The following ERG variants were observed in gnomAD, a reference collection of about 807,000 sequenced individuals.
ERG encodes ETS transcription factor ERG, also known as transcriptional regulator ERG.
ERG carries 9 observed loss-of-function variants against 55.3 expected under a neutral mutation model. The ratio of observed to expected loss-of-function variants is 0.16; its 90% CI spans 0.10 to 0.28. The LOEUF is 0.28. Among genes scored for constraint, ERG ranks in the 10% least tolerant of loss-of-function variants. The pLI, the probability that ERG is intolerant of heterozygous loss-of-function variation, is 1.00. For synonymous variants in ERG, 223 were observed against 237.3 expected (o/e 0.94, Z 0.55); for missense variants, 434 against 631.6 (o/e 0.69, Z 3.35).
chr21:38,478,285 G>A (rs917212287), intron 1 of ERG, among the ~76,000 whole-genome samples: 1 of 152,184 alleles, frequency 6.6e-6, no homozygotes, highest in African/African-American at 2.4e-5. Flanking sequence ...TCCTTTTCCT[G>A]CCTTTGTAAG....
intron 2 of ERG, among the ~76,000 whole-genome samples, chr21:38,443,643 A>G (rs1290360961): frequency 1.3e-5 from 2 of 152,236 alleles, no homozygotes; most frequent in African/African-American, 4.8e-5. Flanking sequence ...TATCAAATGC[A>G]TAGGATTTAT....
intron 2 of ERG, among the ~76,000 whole-genome samples, chr21:38,559,343 T>TA (rs968502886): frequency 5.5e-5 from 8 of 146,692 alleles, no homozygotes; most frequent in African/African-American, 1.3e-4. Flanking sequence ...ATGGACTTGG[T>TA]AAAAAAAATA....
At position 38,637,743 on chromosome 21, in the gene ERG, T is replaced by C. The variant is rs1288275288; in HGVS notation, c.-150+23915A>G. ...TGTGGTAGCCTGTTCACTTGCTTTG[T>C]CCTTAGTCTTGTGATCCATGTCTTT... is the stretch of plus-strand genomic sequence containing the variant. On this transcript the variant is annotated intron_variant, in intron 1 of 10. Transcript: ENST00000398910. 2.0e-5 allele frequency among the ~76,000 whole-genome samples: 3 copies of C among 152,220 alleles called. No homozygotes were observed. In the East Asian group the frequency reaches 5.8e-4, roughly 29 times the overall value.
intron 3 of ERG, 38 bp downstream of exon 3, chr21:38,423,372 G>A (rs752700085): frequency 1.0e-5 from 16 of 1,585,814 alleles, no homozygotes; most frequent in Non-Finnish European, 1.4e-5. Flanking sequence ...TGGGGAAGTT[G>A]CGATCTGCCG....
At chr21:38,519,246 T>A (rs895171539) in intron 2 of ERG, among the ~76,000 whole-genome samples, 2 of 152,108 alleles carry the variant, frequency 1.3e-5, no homozygotes, top group African/African-American at 4.8e-5. Flanking sequence ...AATAGGTAAG[T>A]GAACAAAATT....
rs1027911333 is a variant in ERG at position 38,460,457 on chromosome 21, G to A, written c.19-14836C>T. Among the ~76,000 whole-genome samples the A allele has an allele frequency of 2.0e-5, 3 of 152,220 alleles. No individual in the cohort carries two copies. Among genetic ancestry groups the A allele is most frequent in the African/African-American group, 4.8e-5 (2 of 41,462 alleles). ...AGTTTTATTATTTTCAAAACTAAAT[G>A]TGATGAGAATGCATATATTGCATAT... On this transcript the variant is annotated intron_variant, in intron 1 of 9. Transcript: ENST00000288319. This position sits in a 1 kb window ranked among gnomAD's most constrained non-coding sequence, Gnocchi z 5.0.
intron 1 of ERG, among the ~76,000 whole-genome samples, chr21:38,451,791 A>C (rs575529486): frequency 1.3e-5 from 2 of 152,354 alleles, no homozygotes; most frequent in South Asian, 4.1e-4. Flanking sequence ...AAATGTGTGC[A>C]CTTTTGCAAT....
At chr21:38,412,787 A>G (rs1275060778) in intron 3 of ERG, among the ~76,000 whole-genome samples, 1 of 151,996 alleles carries the variant, frequency 6.6e-6, no homozygotes, top group Admixed American at 6.6e-5. Context: ...TTTCTGTTAA[A>G]TCTTGGTTGG....
At chr21:38,445,667 G>A in intron 1 of ERG, 46 bp from the exon 2 acceptor site, 4 of 1,521,454 alleles carry the variant, frequency 2.6e-6, no homozygotes, top group Non-Finnish European at 3.6e-6. Flanking sequence ...CCAACAGACA[G>A]TCATGTTTCA....
At position 38,423,426 on chromosome 21, in the gene ERG, T is replaced by C. The variant is rs1282222165; in HGVS notation, c.372A>G (p.Arg124=). ...PPPNMTTNER[R]VIVPADPTLW... is the part of the protein sequence containing the mutation. ...GCACCTGACCTGCTGGCACGATAAC[T>C]CTGCGCTCGTTCGTGGTCATGTTTG... Residue 124 remains arginine (R), a synonymous_variant, in exon 3 of 10, where the codon AGA becomes AGG. Transcript: ENST00000288319. The C allele has an allele frequency of 9.9e-6, 16 of 1,613,798 alleles. No homozygotes were observed. The highest frequency in any genetic ancestry group is 1.6e-4 in the Middle Eastern group (1 of 6,062).
At chr21:38,532,440 A>C (rs1018036261) in intron 2 of ERG, among the ~76,000 whole-genome samples, 2 of 152,158 alleles carry the variant, frequency 1.3e-5, no homozygotes, top group African/African-American at 4.8e-5. Context: ...TTACTTCACA[A>C]AACTAAAAGA....
At chr21:38,505,271 T>A (rs868589992) in intron 2 of ERG, among the ~76,000 whole-genome samples, 1 of 152,188 alleles carries the variant, frequency 6.6e-6, no homozygotes, top group African/African-American at 2.4e-5. Flanking sequence ...ACTGGGAGTC[T>A]GTCTCAGCGC....
intron 3 of ERG, among the ~76,000 whole-genome samples, chr21:38,414,249 C>G (rs926044409): frequency 6.6e-6 from 1 of 152,216 alleles, no homozygotes; most frequent in Non-Finnish European, 1.5e-5. Flanking sequence ...CTGTGTGTGT[C>G]TATGTCCAAA....
At chr21:38,404,874 A>G (rs1252684550) in intron 3 of ERG, among the ~76,000 whole-genome samples, 1 of 152,194 alleles carries the variant, frequency 6.6e-6, no homozygotes, top group Admixed American at 6.5e-5. Flanking sequence ...GCTACTCAAG[A>G]ATGGAGCATG....
intron 1 of ERG, among the ~76,000 whole-genome samples, chr21:38,651,667 T>A (rs2060489608): frequency 6.6e-6 from 1 of 152,198 alleles, no homozygotes; most frequent in Non-Finnish European, 1.5e-5. Flanking sequence ...ACCCTTGAAG[T>A]TCATGTTCTA....
intron 1 of ERG, among the ~76,000 whole-genome samples, chr21:38,605,310 G>A (rs1424328864): frequency 6.6e-6 from 1 of 152,130 alleles, no homozygotes; most frequent in Non-Finnish European, 1.5e-5. Flanking sequence ...GAATGCCCAT[G>A]CTGTTCCTGG....
chr21:38,481,636 A>T (rs1425857277), intron 1 of ERG, among the ~76,000 whole-genome samples: 1 of 152,236 alleles, frequency 6.6e-6, no homozygotes, highest in Non-Finnish European at 1.5e-5. Context: ...ATACAAAAAC[A>T]AACGTAGCTA....
intron 3 of ERG, among the ~76,000 whole-genome samples, chr21:38,412,978 T>C (rs1989127711): frequency 6.6e-6 from 1 of 152,192 alleles, no homozygotes. Flanking sequence ...TTTTCTGTAT[T>C]AATTTCTCAG....
chr21:38,439,850 T>C (rs1351248334), intron 2 of ERG, among the ~76,000 whole-genome samples: 1 of 152,244 alleles, frequency 6.6e-6, no homozygotes, highest in Admixed American at 6.5e-5. Context: ...AGAATTCCAC[T>C]ATTCGGTTGG....
Sources: gnomAD v4.1 joint callset for allele counts (sites outside exome capture counted in the v4.1 genomes callset) on GRCh38, gnomAD v4.1.1 for gene constraint, Gnocchi (gnomAD v3.1) non-coding constraint, MANE v1.5 for transcripts, NCBI Gene and HGNC (gene_info 2026-07-23, HGNC 2026-07-21) for gene names.